Variants in USP13 observed in about 807,000 individuals in gnomAD.
The protein encoded by USP13 is ubiquitin specific peptidase 13, also known as ubiquitin carboxyl-terminal hydrolase 13.
A neutral mutation model predicts 107.8 loss-of-function variants in USP13; 68 were observed. The ratio of observed to expected loss-of-function variants is 0.63; its 90% CI spans 0.52 to 0.77. The LOEUF (loss-of-function observed/expected upper bound fraction) is 0.77. Among genes scored for constraint, USP13 ranks in the 30% least tolerant of loss-of-function variants. USP13 has a pLI of 0.00. For missense variants in USP13, 945 were observed against 1,093.3 expected, an observed-to-expected ratio of 0.86 and a Z score of 1.91; for synonymous variants, 377 against 389.5, an observed-to-expected ratio of 0.97 and a Z score of 0.38.
At chr3:179,738,562 A>G (rs569002106) in intron 10 of USP13, among the ~76,000 whole-genome samples, 9 of 152,342 alleles carry the variant, frequency 5.9e-5, no homozygotes, top group African/African-American at 1.9e-4. Context: ...AGTATTAACG[A>G]GACAGTAGGT....
intron 8 of USP13, among the ~76,000 whole-genome samples, chr3:179,727,003 TTCTCACC>T (rs1163453013): frequency 6.6e-6 from 1 of 151,924 alleles, no homozygotes; most frequent in African/African-American, 2.4e-5. Context: ...GCATCCCAAT[TTCTCACC>T]TCTCAAATGA....
intron 17 of USP13, 34 bp from the exon 18 acceptor site, chr3:179,763,968 A>G: frequency 1.9e-6 from 3 of 1,551,072 alleles, no homozygotes; most frequent in South Asian, 1.2e-5. Context: ...AAAAAAAAAA[A>G]AGGAAAAGAC....
intron 19 of USP13, among the ~76,000 whole-genome samples, chr3:179,779,095 T>C (rs1007936458): frequency 6.6e-6 from 1 of 152,072 alleles, no homozygotes; most frequent in African/African-American, 2.4e-5. Context: ...CCAAGGTAGC[T>C]GGACCAGAGT....
Position 179,787,421 on chromosome 3 carries a change from C to T in USP13, c.*3280C>T, listed in dbSNP as rs1307440393. 1 of 152,138 alleles carries T rather than the reference C, an allele frequency of 6.6e-6. No homozygotes were observed. Among genetic ancestry groups the T allele is most frequent in the Non-Finnish European group, 1.5e-5 (1 of 68,032 alleles). The allele number at this position is 152,138 out of a possible 1,614,324, so 9.4% of individuals were successfully genotyped here. On this transcript the variant is annotated 3_prime_UTR_variant, in exon 21 of 21. Transcript: ENST00000263966. ...TGCCCTAACATTTTATTTTTATTTTCCTGTGGTTACCACTAGGGTCTGACA... is the reference window on the plus strand; with the variant it reads ...TGCCCTAACATTTTATTTTTATTTTTCTGTGGTTACCACTAGGGTCTGACA...
intron 19 of USP13, among the ~76,000 whole-genome samples, chr3:179,780,059 C>G (rs748628300): frequency 1.3e-5 from 2 of 152,178 alleles, no homozygotes; most frequent in African/African-American, 2.4e-5. Flanking sequence ...GATCAGCAAA[C>G]TAGGAATGGA....
intron 3 of USP13, among the ~76,000 whole-genome samples, chr3:179,693,496 T>C (rs1340596199): frequency 6.6e-6 from 1 of 151,966 alleles, no homozygotes; most frequent in Non-Finnish European, 1.5e-5. Flanking sequence ...CAAGTTCTGA[T>C]TTAAAGCCCC....
chr3:179,707,406 C>G (rs984445867), intron 5 of USP13, among the ~76,000 whole-genome samples: 4 of 152,146 alleles, frequency 2.6e-5, no homozygotes, highest in Non-Finnish European at 5.9e-5. Flanking sequence ...CCTCCCTCCT[C>G]CTGGAGCAGC....
chr3:179,655,649 G>T (rs1046453096), intron 1 of USP13, among the ~76,000 whole-genome samples: 9 of 151,320 alleles, frequency 5.9e-5, no homozygotes, highest in East Asian at 3.9e-4. Flanking sequence ...CTGCCTCCTG[G>T]ATTCAAGTGA....
chr3:179,758,037 T>TA (rs1560076767), intron 16 of USP13, among the ~76,000 whole-genome samples: 1 of 152,204 alleles, frequency 6.6e-6, no homozygotes, highest in African/African-American at 2.4e-5. Context: ...CTACTTTTTA[T>TA]AAAACAAGGT....
At chr3:179,715,729 G>A (rs1713091226) in intron 6 of USP13, among the ~76,000 whole-genome samples, 1 of 152,046 alleles carries the variant, frequency 6.6e-6, no homozygotes, top group East Asian at 1.9e-4. Context: ...GTCTGTTGCA[G>A]ATGGCTTAGA....
chr3:179,752,307 C>G lies in USP13; in HGVS notation c.1732C>G (p.Pro578Ala), dbSNP rs192477140. The change falls in exon 14 of 21, where the codon CCT becomes GCT. Residue 578 changes from proline to alanine, a missense_variant. By Grantham distance (27) the Pro-to-Ala change is conservative (BLOSUM62 -1). Transcript: ENST00000263966. ...CAGAACATCTCGCTTTGCTTCATTCCCTGAATACTTGGTAGTGCAGATAAA... is the reference window on the plus strand; with the variant it reads ...CAGAACATCTCGCTTTGCTTCATTCGCTGAATACTTGGTAGTGCAGATAAA... Reference protein sequence around the residue: ...GVKTSRFASFPEYLVVQIKKF... With the variant: ...GVKTSRFASFAEYLVVQIKKF... 32 of 1,613,922 alleles carry G rather than the reference C, an allele frequency of 2.0e-5. No individual in the cohort carries two copies. The East Asian group carries it at 6.9e-4, about 35-fold the overall frequency.
At chr3:179,684,678 GT>G (rs1226105876) in intron 2 of USP13, among the ~76,000 whole-genome samples, 2 of 152,062 alleles carry the variant, frequency 1.3e-5, no homozygotes, top group African/African-American at 4.8e-5. Flanking sequence ...CACTCTCTCA[GT>G]TGTGTTCTGT....
At chr3:179,715,828 C>A (rs1404005848) in intron 6 of USP13, among the ~76,000 whole-genome samples, 1 of 152,192 alleles carries the variant, frequency 6.6e-6, no homozygotes, top group Non-Finnish European at 1.5e-5. Flanking sequence ...TTCATTTTCT[C>A]CTCTCCGATT....
At chr3:179,745,943 G>A (rs1408900347) in intron 13 of USP13, among the ~76,000 whole-genome samples, 4 of 151,926 alleles carry the variant, frequency 2.6e-5, no homozygotes, top group Admixed American at 6.6e-5. Context: ...TGATGCAGTC[G>A]AGTCCTTGCC....
chr3:179,756,752 C>G (rs1714817568), intron 15 of USP13, among the ~76,000 whole-genome samples: 1 of 152,064 alleles, frequency 6.6e-6, no homozygotes, highest in Non-Finnish European at 1.5e-5. Flanking sequence ...GAGTCAGACA[C>G]TGTCTCCAAA....
In USP13 at chr3:179,757,213, G is replaced by A. The variant is rs9866853; in HGVS notation, c.1948+135G>A. 0.012 allele frequency: 11,359 copies of A among 943,212 alleles called. 850 individuals are homozygous for A. In the African/African-American group the frequency reaches 0.16, roughly 13 times the overall value. The allele number at this position is 943,212 out of a possible 1,614,324, so 58.4% of individuals were successfully genotyped here. On this transcript the variant is annotated intron_variant, in intron 16 of 20. Coordinates refer to ENST00000263966, the MANE Select transcript of USP13 (RefSeq NM_003940.3). ...GCTTTTCCCAGGTGGGAACGGCTCT[G>A]TGTCTGCTAGTCAGTGACATGCTGA...
intron 19 of USP13, among the ~76,000 whole-genome samples, chr3:179,774,897 T>C (rs896970061): frequency 6.6e-6 from 1 of 152,192 alleles, no homozygotes; most frequent in Non-Finnish European, 1.5e-5. Context: ...CACAGAGTGC[T>C]GATTGGTGTA....
intron 19 of USP13, among the ~76,000 whole-genome samples, chr3:179,770,039 C>G (rs1273139919): frequency 6.6e-6 from 1 of 152,150 alleles, no homozygotes; most frequent in South Asian, 2.1e-4. Flanking sequence ...CCCCAACGTT[C>G]CCCAGCAGTG....
At chr3:179,757,109 C>T in intron 16 of USP13, 31 bp downstream of exon 16, 4 of 1,607,502 alleles carry the variant, frequency 2.5e-6, no homozygotes, top group Non-Finnish European at 3.4e-6. Flanking sequence ...TTCTCAATGT[C>T]CTACTGTTGT....
Sources: gnomAD v4.1 joint callset for allele counts (sites outside exome capture counted in the v4.1 genomes callset) on GRCh38, gnomAD v4.1.1 for gene constraint, MANE v1.5 for transcripts, NCBI Gene and HGNC (gene_info 2026-07-23, HGNC 2026-07-21) for gene names.